ARHGEF28: variants seen among roughly 807,000 people sequenced by gnomAD.
ARHGEF28 encodes 190 kDa guanine nucleotide exchange factor.
In ARHGEF28, 152 loss-of-function variants were observed where a neutral mutation model predicts 206.6. The observed-to-expected ratio is 0.74, with a 90% confidence interval of 0.64 to 0.84. ARHGEF28 has a LOEUF of 0.84. ARHGEF28 is among the 40% of genes least tolerant of loss of function. The pLI is 0.00. For synonymous variants in ARHGEF28, 763 were observed against 776.4 expected (o/e 0.98, Z 0.29); for missense variants, 2,028 against 2,073.2 (o/e 0.98, Z 0.42).
chr5:73,692,717 A>T (rs1307200948), intron 2 of ARHGEF28, among the ~76,000 whole-genome samples: 1 of 152,186 alleles, frequency 6.6e-6, no homozygotes, highest in Non-Finnish European at 1.5e-5. Flanking sequence ...GGGCCGGAGG[A>T]CAGGGCCCAA....
chr5:73,924,882 T>A (rs1442509946), intron 35 of ARHGEF28, among the ~76,000 whole-genome samples: 1 of 152,164 alleles, frequency 6.6e-6, no homozygotes, highest in Non-Finnish European at 1.5e-5. Flanking sequence ...TACTTATTCC[T>A]TGAAATACAC....
chr5:73,773,882 A>G lies in ARHGEF28; in HGVS notation c.503A>G (p.His168Arg). The G allele has an allele frequency of 6.2e-7, 1 of 1,607,770 alleles. No individual in the cohort carries two copies. Among genetic ancestry groups the G allele is most frequent in the Non-Finnish European group, 8.5e-7 (1 of 1,176,942 alleles). ...EVSSHRESLL[H>R]LAMRWGLAKL... ...TCTTCTCACAGAGAATCTCTTCTAC[A>G]CCTGGCTATGAGATGGGGCCTGGCT... is the stretch of plus-strand genomic sequence containing the variant. Residue 168 changes from histidine to arginine, a missense_variant, in exon 5 of 36, where the codon CAC (histidine) becomes CGC (arginine). By Grantham distance (29) the His-to-Arg change is conservative (BLOSUM62 0). Coordinates refer to ENST00000513042, the MANE Select transcript of ARHGEF28 (RefSeq NM_001177693.2).
intron 35 of ARHGEF28, among the ~76,000 whole-genome samples, chr5:73,916,996 T>G (rs1016245816): frequency 6.6e-6 from 1 of 152,168 alleles, no homozygotes; most frequent in Non-Finnish European, 1.5e-5. Flanking sequence ...CACATAGAAA[T>G]TAAGGCAGGA....
At chr5:73,731,439 T>A (rs1750616485) in intron 2 of ARHGEF28, among the ~76,000 whole-genome samples, 3 of 152,192 alleles carry the variant, frequency 2.0e-5, no homozygotes. Context: ...GGGTCTTATG[T>A]AATACATAGT....
Position 73,904,422 on chromosome 5 carries a change from A to G in ARHGEF28, c.4161+17A>G. On this transcript the variant is annotated intron_variant, in intron 33 of 35. Transcript: ENST00000513042. ...AGCCTTCAGGTAACTATCCTCCTCT[A>G]ATCTTTGACCTTGTGAATGGTTCTC... The G allele has an allele frequency of 6.3e-7, 1 of 1,598,908 alleles. No individual in the cohort carries two copies.
intron 4 of ARHGEF28, among the ~76,000 whole-genome samples, chr5:73,769,202 T>TA (rs1753078679): frequency 6.6e-6 from 1 of 151,948 alleles, no homozygotes; most frequent in African/African-American, 2.4e-5. Flanking sequence ...TATATATATA[T>TA]GTGTGTGTGT....
At chr5:73,861,333 TA>T (rs1174545051) in intron 16 of ARHGEF28, among the ~76,000 whole-genome samples, 1 of 152,170 alleles carries the variant, frequency 6.6e-6, no homozygotes, top group Admixed American at 6.5e-5. Flanking sequence ...AGTCATTTCT[TA>T]AAAAAGGAAT....
rs752328062 is a variant in ARHGEF28 at position 73,870,257 on chromosome 5, G to A, written c.2566+48G>A. On this transcript the variant is annotated intron_variant, in intron 21 of 35. Transcript: ENST00000513042. ...TTGGGTTGAAGCAGTGCGGTTCAGA[G>A]AAAAGAACATGGAATTTGCAACTGT... The A allele has an allele frequency of 6.4e-6, 10 of 1,565,526 alleles. No homozygotes were observed. In the East Asian group the frequency reaches 2.3e-4, roughly 36 times the overall value.
chr5:73,815,384 T>C (rs902120070), intron 9 of ARHGEF28, among the ~76,000 whole-genome samples: 1 of 152,194 alleles, frequency 6.6e-6, no homozygotes, highest in African/African-American at 2.4e-5. Context: ...TTTCTGTAAG[T>C]TTGAAATTAT....
At chr5:73,673,886 T>G (rs1466187309) in intron 1 of ARHGEF28, among the ~76,000 whole-genome samples, 1 of 151,758 alleles carries the variant, frequency 6.6e-6, no homozygotes, top group African/African-American at 2.4e-5. Flanking sequence ...AATTAAGACA[T>G]ACTGTAGGCC....
In ARHGEF28 at chr5:73,911,340, A is replaced by T; in HGVS notation, c.4713A>T (p.Leu1571Phe). The change falls in exon 35 of 36, where the codon TTA becomes TTT. Residue 1571 changes from leucine (L) to phenylalanine (F), a missense_variant. By Grantham distance (22) the Leu-to-Phe change is conservative. Around this residue, in one of 3 missense-constraint regions of ARHGEF28, gnomAD observed 803 missense variants for 768.0 expected, o/e 1.05. Coordinates refer to ENST00000513042, the MANE Select transcript of ARHGEF28 (RefSeq NM_001177693.2). The part of the protein sequence containing the change: ...HENSFFINEA[L>F]VQMSFNTFNK... The stretch of plus-strand genomic sequence containing the variant: ...ACTCATTCTTCATCAATGAAGCTTT[A>T]GTACAAATGTCATTTAACACTTTCA... The T allele has an allele frequency of 6.2e-7, 1 of 1,612,670 alleles. No individual in the cohort carries two copies. Among genetic ancestry groups the T allele is most frequent in the Non-Finnish European group, 8.5e-7 (1 of 1,179,274 alleles).
chr5:73,671,738 ATTTTTTTTTTTTTTTTTTTT>A (rs1172905776), intron 1 of ARHGEF28, among the ~76,000 whole-genome samples: 1 of 9,916 alleles, frequency 1.0e-4, no homozygotes, highest in African/African-American at 5.6e-4. Context: ...ATATATATAT[ATTTTTTTTTTTTTTTTTTTT>A]TTTTTTTTTT....
chr5:73,866,103 C>T (rs1759689353), intron 18 of ARHGEF28, 90 bp downstream of exon 18: 1 of 1,104,818 alleles, frequency 9.1e-7, no homozygotes, highest in Non-Finnish European at 1.3e-6. Flanking sequence ...TTTGTTTTCT[C>T]ATTTATCCAG....
At chr5:73,834,063 G>A (rs896736143) in intron 10 of ARHGEF28, among the ~76,000 whole-genome samples, 1 of 151,966 alleles carries the variant, frequency 6.6e-6, no homozygotes, top group Non-Finnish European at 1.5e-5. Context: ...CTTTATTAAG[G>A]TATAATGAAC....
At chr5:73,729,909 T>G (rs548506101) in intron 2 of ARHGEF28, among the ~76,000 whole-genome samples, 2 of 152,328 alleles carry the variant, frequency 1.3e-5, no homozygotes, top group Non-Finnish European at 1.5e-5. Flanking sequence ...AGGCCTGAAT[T>G]CGAGTCCCAG....
At chr5:73,681,088 A>ATTTTTTTTTT (rs10551544) in intron 1 of ARHGEF28, among the ~76,000 whole-genome samples, 1 of 139,894 alleles carries the variant, frequency 7.1e-6, no homozygotes, top group Non-Finnish European at 1.6e-5. Context: ...ATAGTAATGC[A>ATTTTTTTTTT]TTTTTTTTTT....
chr5:73,793,705 T>G (rs1361414196), intron 7 of ARHGEF28, among the ~76,000 whole-genome samples: 1 of 152,136 alleles, frequency 6.6e-6, no homozygotes, highest in East Asian at 1.9e-4. Context: ...GGTGGTTATT[T>G]CGACAATAGC....
intron 4 of ARHGEF28, among the ~76,000 whole-genome samples, chr5:73,770,196 A>G (rs943799846): frequency 4.6e-5 from 7 of 152,196 alleles, no homozygotes; most frequent in African/African-American, 1.7e-4. Flanking sequence ...TAGTAACCAT[A>G]GAGTTAGGAC....
intron 9 of ARHGEF28, among the ~76,000 whole-genome samples, chr5:73,798,619 TATCATAGTGCAGAGTGGGACTCCTTC>T (rs1754963517): frequency 1.3e-5 from 2 of 152,110 alleles, no homozygotes; most frequent in African/African-American, 4.8e-5. Flanking sequence ...CTTCTGTTGC[TATCATAGTGCAGAGTGGGACTCCTTC>T]ATATTCTAGG....
Sources: gnomAD v4.1 joint callset for allele counts (sites outside exome capture counted in the v4.1 genomes callset) on GRCh38, gnomAD v4.1.1 for gene constraint, gnomAD v4.1.1 regional missense constraint, MANE v1.5 for transcripts, NCBI Gene and HGNC (gene_info 2026-07-23, HGNC 2026-07-21) for gene names.